The following THSD4 variants were observed in gnomAD, a reference collection of about 807,000 sequenced individuals.
The protein encoded by THSD4 is thrombospondin type-1 domain-containing protein 4.
A neutral mutation model predicts 119.0 loss-of-function variants in THSD4; 69 were observed. The ratio of observed to expected loss-of-function variants is 0.58; its 90% CI spans 0.48 to 0.71. The LOEUF is 0.71. THSD4 is among the 30% of genes least tolerant of loss of function. The pLI, the probability that THSD4 is intolerant of heterozygous loss-of-function variation, is 0.00. For synonymous variants in THSD4, 524 were observed against 540.4 expected (o/e 0.97, Z 0.42); for missense variants, 1,393 against 1,391.1 (o/e 1.00, Z -0.02).
At chr15:71,389,418 A>G (rs1024309954) in intron 6 of THSD4, among the ~76,000 whole-genome samples, 5 of 151,166 alleles carry the variant, frequency 3.3e-5, no homozygotes, top group Non-Finnish European at 5.9e-5. Context: ...CACTTAGCAC[A>G]ATCACCTCAA....
At chr15:71,224,766 C>G (rs895271146) in intron 4 of THSD4, among the ~76,000 whole-genome samples, 1 of 152,142 alleles carries the variant, frequency 6.6e-6, no homozygotes, top group African/African-American at 2.4e-5. Context: ...TCACTCTAAT[C>G]TCTTGCTTCT....
intron 7 of THSD4, among the ~76,000 whole-genome samples, chr15:71,431,323 A>C (rs4566110): frequency 0.98 from 149,139 of 152,268 alleles, 73,104 homozygotes; most frequent in East Asian, 1. Flanking sequence ...AAATTTTTAT[A>C]CAGTCCAACT....
At chr15:71,415,959 G>T (rs1292568042) in intron 7 of THSD4, among the ~76,000 whole-genome samples, 1 of 152,110 alleles carries the variant, frequency 6.6e-6, no homozygotes, top group East Asian at 1.9e-4. Flanking sequence ...AACACACCTG[G>T]CTAATTTTTG....
chr15:71,611,956 G>A (rs1428115576), intron 7 of THSD4, among the ~76,000 whole-genome samples: 2 of 152,194 alleles, frequency 1.3e-5, no homozygotes, highest in African/African-American at 4.8e-5. Context: ...GGTCTTGGAG[G>A]CTTTGAACTG....
intron 3 of THSD4, among the ~76,000 whole-genome samples, chr15:71,181,567 G>A (rs1002314613): frequency 5.3e-5 from 8 of 152,174 alleles, no homozygotes; most frequent in Non-Finnish European, 1.2e-4. Context: ...GTACCCATGA[G>A]TTGAAGGCAA....
chr15:71,492,706 C>G (rs117723978), intron 7 of THSD4, among the ~76,000 whole-genome samples: 3,529 of 152,170 alleles, frequency 0.023, 69 homozygotes, highest in Non-Finnish European at 0.037. Context: ...AAGCCTCTTT[C>G]CCTTTGTGTC....
chr15:71,467,865 T>TTTTTC (rs1566994844), intron 7 of THSD4, among the ~76,000 whole-genome samples: 1 of 151,148 alleles, frequency 6.6e-6, no homozygotes. Flanking sequence ...TTTTCTTTTT[T>TTTTTC]TGAGACGGAG....
chr15:71,407,596 A>ATT (rs5813629), intron 6 of THSD4, among the ~76,000 whole-genome samples: 25,003 of 148,246 alleles, frequency 0.17, 2,516 homozygotes, highest in African/African-American at 0.27. Flanking sequence ...AGTCACCAGC[A>ATT]TTTTTTTTTT....
intron 7 of THSD4, among the ~76,000 whole-genome samples, chr15:71,619,974 T>C (rs954057748): frequency 6.6e-6 from 1 of 152,248 alleles, no homozygotes; most frequent in Non-Finnish European, 1.5e-5. Flanking sequence ...GAGTTACATA[T>C]AGCTCTTTAG....
At chr15:71,170,942 G>GA (rs1298872906) in intron 3 of THSD4, among the ~76,000 whole-genome samples, 2 of 151,816 alleles carry the variant, frequency 1.3e-5, no homozygotes, top group African/African-American at 2.4e-5. Flanking sequence ...CATTGCAGAA[G>GA]AAAAAAACAA....
At chr15:71,213,957 A>G (rs1368214369) in intron 3 of THSD4, among the ~76,000 whole-genome samples, 1 of 152,212 alleles carries the variant, frequency 6.6e-6, no homozygotes, top group Admixed American at 6.5e-5. Flanking sequence ...ACTGCTATTG[A>G]GAGGTGAAGC....
intron 1 of THSD4, among the ~76,000 whole-genome samples, chr15:71,118,865 G>A (rs1189316786): frequency 1.3e-5 from 2 of 152,216 alleles, no homozygotes; most frequent in African/African-American, 4.8e-5. Flanking sequence ...GCTGCCTCTG[G>A]CCCCCTCTTG....
At chr15:71,310,458 G>A (rs920182823) in intron 6 of THSD4, among the ~76,000 whole-genome samples, 2 of 152,162 alleles carry the variant, frequency 1.3e-5, no homozygotes, top group Non-Finnish European at 2.9e-5. Context: ...TATTTTTAAA[G>A]TATCCATTTT....
chr15:71,517,484 A>G (rs2048377708), intron 7 of THSD4, among the ~76,000 whole-genome samples: 1 of 152,294 alleles, frequency 6.6e-6, no homozygotes, highest in African/African-American at 2.4e-5. Context: ...CCCTCATTCA[A>G]AATTTAAGTA....
At chr15:71,677,634 G>A (rs2051680353) in intron 8 of THSD4, among the ~76,000 whole-genome samples, 1 of 152,096 alleles carries the variant, frequency 6.6e-6, no homozygotes, top group African/African-American at 2.4e-5. Flanking sequence ...AGATATGCTG[G>A]AACGAAAGGA....
chr15:71,640,903 G>A (rs1478546539), intron 7 of THSD4, among the ~76,000 whole-genome samples: 1 of 151,860 alleles, frequency 6.6e-6, no homozygotes. Context: ...TAGGCACACG[G>A]TCGATGTTTA....
At chr15:71,350,953 G>T (rs1231247824) in intron 6 of THSD4, among the ~76,000 whole-genome samples, 1 of 152,170 alleles carries the variant, frequency 6.6e-6, no homozygotes, top group Non-Finnish European at 1.5e-5. Flanking sequence ...GACCACTCAG[G>T]TCCCTGTGTT....
At chr15:71,407,024 T>C (rs553690486) in intron 6 of THSD4, among the ~76,000 whole-genome samples, 15 of 152,296 alleles carry the variant, frequency 9.8e-5, no homozygotes, top group African/African-American at 3.4e-4. Context: ...TTGGTTGTTA[T>C]GTCTTCCTGA....
chr15:71,365,210 T>C (rs2045946038), intron 6 of THSD4, among the ~76,000 whole-genome samples: 1 of 147,060 alleles, frequency 6.8e-6, no homozygotes, highest in Non-Finnish European at 1.5e-5. Flanking sequence ...GGCAAGCCAA[T>C]GACCCATGTG....
Sources: allele counts gnomAD v4.1 joint callset (sites outside exome capture counted in the v4.1 genomes callset), GRCh38; gene constraint gnomAD v4.1.1; transcripts MANE v1.5; gene names NCBI Gene and HGNC (gene_info 2026-07-23, HGNC 2026-07-21).